Variants in POU2F3 observed in about 807,000 individuals in gnomAD.
POU2F3 encodes POU domain, class 2, transcription factor 3.
In POU2F3, 23 loss-of-function variants were observed where a neutral mutation model predicts 59.2. The observed-to-expected ratio is 0.39, with a 90% CI of 0.28 to 0.55. The LOEUF (loss-of-function observed/expected upper bound fraction) is 0.55. Ranked by LOEUF, POU2F3 falls within the 20% of genes least tolerant of loss-of-function variation. POU2F3 has a pLI of 0.66. For synonymous variants in POU2F3, 190 were observed against 214.6 expected (o/e 0.89, Z 1.00); for missense variants, 473 against 544.5 (o/e 0.87, Z 1.31).
rs1377645736 is a variant in POU2F3, at chr11:120,305,019, T to C, written c.445-11T>C. ...CTTCGTGGTGGATCTGCTTGGCGTG[T>C]TTCCTATCAGGCATTTGGGCACCCT... On this transcript the variant is annotated splice_polypyrimidine_tract_variant and intron_variant, in intron 6 of 12. Coordinates refer to ENST00000543440, the MANE Select transcript of POU2F3 (RefSeq NM_014352.4). 4 of 1,588,696 alleles carry C rather than the reference T, an allele frequency of 2.5e-6. No homozygotes were observed. Among genetic ancestry groups the C allele is most frequent in the Non-Finnish European group, 8.6e-7 (1 of 1,165,854 alleles).
At chr11:120,277,019 A>AT (rs1591404357) in intron 3 of POU2F3, among the ~76,000 whole-genome samples, 2 of 152,276 alleles carry the variant, frequency 1.3e-5, no homozygotes, top group Non-Finnish European at 2.9e-5. Context: ...AAAAATATGC[A>AT]TTTTTTACTA....
intron 7 of POU2F3, 90 bp downstream of exon 7, chr11:120,305,302 C>A: frequency 1.4e-6 from 2 of 1,447,164 alleles, no homozygotes; most frequent in Non-Finnish European, 9.3e-7. Context: ...CGACCAGAGG[C>A]TCGATGTGTT....
At chr11:120,281,677 C>T (rs528655724) in intron 3 of POU2F3, among the ~76,000 whole-genome samples, 1 of 152,262 alleles carries the variant, frequency 6.6e-6, no homozygotes, top group East Asian at 1.9e-4. Context: ...ATATTTCCTC[C>T]CGTATACTTC....
At chr11:120,312,134 T>G (rs1197890986) in intron 10 of POU2F3, among the ~76,000 whole-genome samples, 1 of 152,148 alleles carries the variant, frequency 6.6e-6, no homozygotes, top group Non-Finnish European at 1.5e-5. Flanking sequence ...TTATTTTTAT[T>G]TTTTTTGAGA....
At chr11:120,280,106 T>G (rs1379995397) in intron 3 of POU2F3, among the ~76,000 whole-genome samples, 2 of 152,184 alleles carry the variant, frequency 1.3e-5, no homozygotes, top group East Asian at 3.8e-4. Flanking sequence ...CTGATGACAC[T>G]AAAAGCAGGG....
intron 5 of POU2F3, chr11:120,301,112 G>A (rs1466051607): frequency 2.2e-6 from 1 of 453,436 alleles, no homozygotes; most frequent in Admixed American, 2.4e-5. Context: ...TGCAGTGGTG[G>A]AAAGACACTT....
chr11:120,298,500 G>C, intron 4 of POU2F3, 110 bp downstream of exon 4: 1 of 1,449,148 alleles, frequency 6.9e-7, no homozygotes, highest in East Asian at 2.3e-5. Context: ...AGGCAATGTG[G>C]GAAAGAGATC....
At chr11:120,260,417 G>A (rs1939544891) in intron 2 of POU2F3, among the ~76,000 whole-genome samples, 1 of 152,262 alleles carries the variant, frequency 6.6e-6, no homozygotes, top group Non-Finnish European at 1.5e-5. Flanking sequence ...CCAAGGGGAG[G>A]AGAGGTGGAG....
chr11:120,314,047 T>C (rs1219496461), intron 10 of POU2F3, among the ~76,000 whole-genome samples: 1 of 152,074 alleles, frequency 6.6e-6, no homozygotes, highest in East Asian at 1.9e-4. Flanking sequence ...AACACATGTC[T>C]TGGGTGTGAC....
intron 3 of POU2F3, among the ~76,000 whole-genome samples, chr11:120,293,319 G>A (rs987089989): frequency 2.0e-5 from 3 of 152,226 alleles, no homozygotes; most frequent in African/African-American, 7.2e-5. Flanking sequence ...GGAGATGGGA[G>A]AATCCCCCAA....
At chr11:120,297,924 C>T (rs916602953) in intron 3 of POU2F3, among the ~76,000 whole-genome samples, 26 of 151,616 alleles carry the variant, frequency 1.7e-4, no homozygotes, top group Non-Finnish European at 1.8e-4. Flanking sequence ...GCATGTAACA[C>T]CATGCCTGGC....
intron 5 of POU2F3, 43 bp downstream of exon 5, chr11:120,299,769 G>GTGCTGCTGT: frequency 6.5e-7 from 1 of 1,545,398 alleles, no homozygotes; most frequent in Non-Finnish European, 8.8e-7. Context: ...GTCCAGTCAA[G>GTGCTGCTGT]TGCTGCTGTT....
At chr11:120,313,710 A>T (rs139639608) in intron 10 of POU2F3, among the ~76,000 whole-genome samples, 68 of 152,264 alleles carry the variant, frequency 4.5e-4, no homozygotes, top group Middle Eastern at 3.4e-3. Context: ...ATACATTATC[A>T]CTTATTTAAA....
At chr11:120,307,174 C>G (rs1228442955) in intron 8 of POU2F3, among the ~76,000 whole-genome samples, 2 of 152,228 alleles carry the variant, frequency 1.3e-5, no homozygotes, top group African/African-American at 2.4e-5. Flanking sequence ...GATGCATGAG[C>G]ATCCCTCAGC....
rs1379843345 is a variant in POU2F3 at position 120,319,628 on chromosome 11, T to C, written c.*1236T>C. 6.6e-6 allele frequency: 1 copy of C among 152,082 alleles called. No homozygotes were observed. The highest frequency in any genetic ancestry group is 2.4e-5 in the African/African-American group (1 of 41,272). The allele number at this position is 152,082 out of a possible 1,614,324, so 9.4% of individuals were successfully genotyped here. ...GCCCAGCTAATTTTTGTATTTTTAGTAGAGATGGGGTTTCACCATGTTGGT... is the reference window on the plus strand; with the variant it reads ...GCCCAGCTAATTTTTGTATTTTTAGCAGAGATGGGGTTTCACCATGTTGGT... On this transcript the variant is annotated 3_prime_UTR_variant, in exon 13 of 13. Transcript: ENST00000543440.
chr11:120,253,191 C>T (rs1198242869), intron 2 of POU2F3, among the ~76,000 whole-genome samples: 1 of 152,140 alleles, frequency 6.6e-6, no homozygotes, highest in Non-Finnish European at 1.5e-5. Context: ...TCAACAGCAC[C>T]AAATGGCTCA....
chr11:120,254,548 C>A (rs1939254201), intron 2 of POU2F3, among the ~76,000 whole-genome samples: 1 of 152,148 alleles, frequency 6.6e-6, no homozygotes, highest in Non-Finnish European at 1.5e-5. Flanking sequence ...CTAGGACTGT[C>A]TAGGAGGTGA....
chr11:120,274,155 G>T (rs1467492461), intron 3 of POU2F3, among the ~76,000 whole-genome samples: 1 of 148,886 alleles, frequency 6.7e-6, no homozygotes, highest in African/African-American at 2.5e-5. Flanking sequence ...AAGGAAGGAA[G>T]GAAATGCACA....
chr11:120,293,737 A>G (rs1941108438), intron 3 of POU2F3, among the ~76,000 whole-genome samples: 1 of 152,134 alleles, frequency 6.6e-6, no homozygotes, highest in South Asian at 2.1e-4. Context: ...GGGGTTAAAG[A>G]TGAGTACCCC....
Sources: gnomAD v4.1 joint callset for allele counts (sites outside exome capture counted in the v4.1 genomes callset) on GRCh38, gnomAD v4.1.1 for gene constraint, MANE v1.5 for transcripts, NCBI Gene and HGNC (gene_info 2026-07-23, HGNC 2026-07-21) for gene names.